Variants in POU3F3 observed in about 807,000 individuals in gnomAD.
The protein encoded by POU3F3 is POU domain, class 3, transcription factor 3.
Under a neutral mutation model 8.6 loss-of-function variants are expected in POU3F3, and 1 was observed. The ratio of observed to expected loss-of-function variants is 0.12; its 90% CI spans 0.04 to 0.55. The LOEUF (loss-of-function observed/expected upper bound fraction) is 0.55. POU3F3 is among the 20% of genes least tolerant of loss of function. The pLI, the probability that POU3F3 is intolerant of heterozygous loss-of-function variation, is 0.91. For missense variants in POU3F3, 577 were observed against 690.7 expected, an observed-to-expected ratio of 0.84 and a Z score of 1.84; for synonymous variants, 418 against 327.4, an observed-to-expected ratio of 1.28 and a Z score of -2.99.
At chr2:104,901,308 G>T in the POU3F3 span, among the ~76,000 whole-genome samples, 1 of 152,126 alleles carries the variant, frequency 6.6e-6, no homozygotes, top group African/African-American at 2.4e-5. Context: ...AACCAGTCTG[G>T]CACAAAATGT....
chr2:104,896,350 G>A, the POU3F3 span, among the ~76,000 whole-genome samples: 110 of 152,274 alleles, frequency 7.2e-4, no homozygotes, highest in Non-Finnish European at 1.1e-3. Context: ...TCCAAAGGAC[G>A]TGGACTTGAG....
At chr2:104,883,871 C>T in the POU3F3 span, among the ~76,000 whole-genome samples, 13 of 152,200 alleles carry the variant, frequency 8.5e-5, no homozygotes, top group Admixed American at 7.9e-4. Context: ...GAGGCTGGTT[C>T]AGAGAGAGAT....
the POU3F3 span, among the ~76,000 whole-genome samples, chr2:104,920,490 A>T: frequency 6.6e-6 from 1 of 152,200 alleles, no homozygotes; most frequent in Non-Finnish European, 1.5e-5. Flanking sequence ...GAAGCAGGAA[A>T]CACCCAACAG....
chr2:104,905,862 C>T, the POU3F3 span, among the ~76,000 whole-genome samples: 67 of 152,178 alleles, frequency 4.4e-4, no homozygotes, highest in Non-Finnish European at 8.5e-4. Context: ...CTGCAAACAT[C>T]CTGTTTCCAA....
chr2:104,897,945 T>G, the POU3F3 span, among the ~76,000 whole-genome samples: 1 of 152,200 alleles, frequency 6.6e-6, no homozygotes, highest in Non-Finnish European at 1.5e-5. Flanking sequence ...ATGTGGCTAC[T>G]GAAATACCCA....
the POU3F3 span, chr2:104,869,892 G>A: frequency 6.6e-6 from 1 of 152,202 alleles, no homozygotes; most frequent in African/African-American, 2.4e-5. Context: ...GGGTCAGCAG[G>A]GAATTTGCTT....
the POU3F3 span, among the ~76,000 whole-genome samples, chr2:104,902,000 A>G: frequency 6.6e-6 from 1 of 152,222 alleles, no homozygotes; most frequent in Non-Finnish European, 1.5e-5. Context: ...ACCTGCTTAC[A>G]GACTGTAGAT....
In POU3F3 at chr2:104,854,303, G is replaced by T. The variant is rs141819628; in HGVS notation, c.-1208G>T. 6.6e-6 allele frequency among the ~76,000 whole-genome samples: 1 copy of T among 152,294 alleles called. No homozygotes were observed. Among genetic ancestry groups the T allele is most frequent in the African/African-American group, 2.4e-5 (1 of 41,562 alleles). ...CTGCTCCAGCACGGCCAGCGCCAGC[G>T]CCCGCCGTCGGTGCACTCTACGAGC... is the stretch of plus-strand genomic sequence containing the variant. On this transcript the variant is annotated 5_prime_UTR_variant, in exon 1 of 1. Transcript: ENST00000361360. This position sits in a 1 kb window ranked among gnomAD's most constrained non-coding sequence, Gnocchi z 4.5.
At chr2:104,878,209 C>T in the POU3F3 span, among the ~76,000 whole-genome samples, 239 of 152,262 alleles carry the variant, frequency 1.6e-3, no homozygotes, top group Non-Finnish European at 2.4e-3. Context: ...GAGCCTTAAT[C>T]AGCCAGATTC....
At chr2:104,919,291 T>C in the POU3F3 span, among the ~76,000 whole-genome samples, 2 of 152,246 alleles carry the variant, frequency 1.3e-5, no homozygotes, top group East Asian at 3.9e-4. Context: ...CCCTGCACAT[T>C]GTCTTCAGTG....
the POU3F3 span, among the ~76,000 whole-genome samples, chr2:104,927,149 G>T: frequency 6.6e-6 from 1 of 152,104 alleles, no homozygotes; most frequent in Non-Finnish European, 1.5e-5. Context: ...GGTGGGAAAG[G>T]CAAGGGATCT....
chr2:104,890,557 C>A, the POU3F3 span, among the ~76,000 whole-genome samples: 2 of 152,080 alleles, frequency 1.3e-5, no homozygotes, highest in Non-Finnish European at 2.9e-5. Context: ...TTGCTGTGAA[C>A]CAGAAAAAAT....
the POU3F3 span, among the ~76,000 whole-genome samples, chr2:104,875,574 A>G: frequency 6.6e-6 from 1 of 152,176 alleles, no homozygotes; most frequent in African/African-American, 2.4e-5. Flanking sequence ...TGGTTTTGAA[A>G]CATTTTTTTT....
At chr2:104,891,556 A>C in the POU3F3 span, among the ~76,000 whole-genome samples, 2 of 152,180 alleles carry the variant, frequency 1.3e-5, no homozygotes, top group African/African-American at 4.8e-5. Flanking sequence ...AGTAATTCTA[A>C]AATGTGATAG....
the POU3F3 span, among the ~76,000 whole-genome samples, chr2:104,869,162 C>G: frequency 2.0e-5 from 3 of 152,172 alleles, no homozygotes; most frequent in East Asian, 3.9e-4. Context: ...TGGCTGCTAG[C>G]GAGAGACCTT....
At position 104,855,779 on chromosome 2, in the gene POU3F3, TG is replaced by T; in HGVS notation, c.270del (p.Met90IlefsTer2). 7.6e-7 allele frequency: 1 copy of T among 1,313,610 alleles called. No homozygotes were observed. Among genetic ancestry groups the T allele is most frequent in the Admixed American group, 2.3e-5 (1 of 42,670 alleles). The allele number at this position is 1,313,610 out of a possible 1,614,324, so 81.4% of individuals were successfully genotyped here. ...GAMAASNGGH[M>X]LSHAHQWVTA... is the part of the protein sequence containing the mutation. Reference sequence around the variant, plus strand: ...ATGGCCGCCAGCAACGGCGGCCATATGCTGAGCCACGCGCACCAGTGGGTCA... The same window carrying T: ...ATGGCCGCCAGCAACGGCGGCCATATCTGAGCCACGCGCACCAGTGGGTCA... On this transcript the variant is annotated frameshift_variant, in exon 1 of 1. Coordinates refer to ENST00000361360, the MANE Select transcript of POU3F3 (RefSeq NM_006236.3). LOFTEE classifies it low-confidence loss of function (END_TRUNC).
At chr2:104,919,430 A>T in the POU3F3 span, among the ~76,000 whole-genome samples, 1 of 152,148 alleles carries the variant, frequency 6.6e-6, no homozygotes, top group Non-Finnish European at 1.5e-5. Context: ...GCCACTTCAG[A>T]GGCCCAGGAG....
At chr2:104,889,353 C>T in the POU3F3 span, among the ~76,000 whole-genome samples, 14 of 152,278 alleles carry the variant, frequency 9.2e-5, no homozygotes, top group East Asian at 2.7e-3. Context: ...GGCTTCCCAC[C>T]TCGCAGATTG....
At position 104,855,612 on chromosome 2, in the gene POU3F3, TGGCGGCGGCGGCGGCGGCGGGGGC is replaced by T. The variant is rs752143982; in HGVS notation, c.107_130del (p.Gly36_Gly43del). 4.7e-6 allele frequency: 3 copies of T among 643,556 alleles called. 1 individual carries two copies. The highest frequency in any genetic ancestry group is 5.2e-6 in the Non-Finnish European group (3 of 577,030). The allele number at this position is 643,556 out of a possible 1,614,324, so 39.9% of individuals were successfully genotyped here. A position where few individuals can be genotyped will look rare whatever the true frequency, so the allele number is the denominator to read the frequency against. On this transcript the variant is annotated inframe_deletion, in exon 1 of 1. Transcript: ENST00000361360. ...CGGCAGGGGCTGGCGGCGGCGGGGGTGGCGGCGGCGGCGGCGGCGGGGGCGGCGCAGGGGGCGGGGGCGGCGGCA... is the reference window on the plus strand; with the variant it reads ...CGGCAGGGGCTGGCGGCGGCGGGGGTGGCGCAGGGGGCGGGGGCGGCGGCA...
Sources: allele counts gnomAD v4.1 joint callset (sites outside exome capture counted in the v4.1 genomes callset), GRCh38; gene constraint gnomAD v4.1.1; non-coding constraint Gnocchi (gnomAD v3.1); transcripts MANE v1.5; gene names NCBI Gene and HGNC (gene_info 2026-07-23, HGNC 2026-07-21).